CSMD2: variants seen among roughly 807,000 people sequenced by gnomAD.
CSMD2 encodes the protein CUB and Sushi multiple domains 2.
CSMD2 carries 130 observed loss-of-function variants against 398.5 expected under a neutral mutation model. The ratio of observed to expected loss-of-function variants is 0.33; its 90% CI spans 0.28 to 0.38. CSMD2 has a LOEUF of 0.38. CSMD2 is among the 10% of genes least tolerant of loss of function. The pLI, the probability that CSMD2 is intolerant of heterozygous loss-of-function variation, is 1.00. For synonymous variants in CSMD2, 1,828 were observed against 1,908.5 expected (o/e 0.96, Z 1.10); for missense variants, 3,829 against 4,764.9 (o/e 0.80, Z 5.78).
At chr1:33,886,067 T>C (rs1315563631) in intron 5 of CSMD2, among the ~76,000 whole-genome samples, 1 of 152,174 alleles carries the variant, frequency 6.6e-6, no homozygotes, top group Non-Finnish European at 1.5e-5. Flanking sequence ...AATACAATTC[T>C]TATGGTCGCT....
At chr1:33,996,019 C>G (rs966051830) in intron 3 of CSMD2, among the ~76,000 whole-genome samples, 1 of 152,108 alleles carries the variant, frequency 6.6e-6, no homozygotes, top group Non-Finnish European at 1.5e-5. Context: ...ACAATAGACA[C>G]AACAAACAAA....
intron 13 of CSMD2, among the ~76,000 whole-genome samples, chr1:33,747,767 G>C (rs1647587107): frequency 6.6e-6 from 1 of 152,128 alleles, no homozygotes; most frequent in South Asian, 2.1e-4. Context: ...GATAGCTCAG[G>C]CTTTACATTA....
intron 13 of CSMD2, among the ~76,000 whole-genome samples, chr1:33,764,826 T>C (rs1486902343): frequency 6.6e-6 from 1 of 152,224 alleles, no homozygotes; most frequent in Non-Finnish European, 1.5e-5. Context: ...GGAAATGATG[T>C]TTGAAATTGC....
intron 43 of CSMD2, among the ~76,000 whole-genome samples, chr1:33,601,711 T>C (rs1640230567): frequency 6.6e-6 from 1 of 152,268 alleles, no homozygotes; most frequent in Non-Finnish European, 1.5e-5. Flanking sequence ...TGCTAATTTG[T>C]ATTCCCAATG....
chr1:33,967,272 C>T (rs1367828739), intron 3 of CSMD2, among the ~76,000 whole-genome samples: 1 of 142,196 alleles, frequency 7.0e-6, no homozygotes, highest in Non-Finnish European at 1.5e-5. Flanking sequence ...TTTTTTAAAG[C>T]GGGGGGTGGG....
At chr1:33,580,567 T>C (rs1317307484) in intron 48 of CSMD2, among the ~76,000 whole-genome samples, 186 bp downstream of exon 48, 1 of 152,008 alleles carries the variant, frequency 6.6e-6, no homozygotes, top group Non-Finnish European at 1.5e-5. Context: ...GCTGGCAGTA[T>C]GAGAAAAGAG....
intron 55 of CSMD2, among the ~76,000 whole-genome samples, chr1:33,554,847 C>T (rs765643160): frequency 6.6e-6 from 1 of 152,164 alleles, no homozygotes; most frequent in East Asian, 1.9e-4. Flanking sequence ...CAGCCAAGTG[C>T]TAAATGATGA....
intron 6 of CSMD2, among the ~76,000 whole-genome samples, chr1:33,837,862 T>G (rs916740183): frequency 2.6e-5 from 4 of 152,228 alleles, no homozygotes; most frequent in Non-Finnish European, 5.9e-5. Context: ...GGCTGCTCCA[T>G]TCATCCTTTA....
At chr1:34,090,271 T>C (rs1658403120) in intron 1 of CSMD2, among the ~76,000 whole-genome samples, 4 of 152,212 alleles carry the variant, frequency 2.6e-5, no homozygotes, top group Admixed American at 2.0e-4. Flanking sequence ...GGTGATGTGA[T>C]GATGCCCTCT....
intron 13 of CSMD2, among the ~76,000 whole-genome samples, chr1:33,749,187 C>A (rs1272120140): frequency 6.6e-6 from 1 of 151,036 alleles, no homozygotes; most frequent in African/African-American, 2.4e-5. Flanking sequence ...AGGCTCCACC[C>A]CCCCAGGTTC....
intron 5 of CSMD2, chr1:33,860,947 A>T (rs1384426682): frequency 6.6e-6 from 1 of 152,214 alleles, no homozygotes; most frequent in East Asian, 1.9e-4. Context: ...ACTACAACAG[A>T]GTAGAAAATA....
intron 29 of CSMD2, among the ~76,000 whole-genome samples, chr1:33,642,858 G>T (rs1391518045): frequency 6.6e-6 from 1 of 152,150 alleles, no homozygotes; most frequent in East Asian, 1.9e-4. Context: ...CTACCAAACT[G>T]TTTCTGCTTC....
chr1:33,924,900 A>T (rs1195938121), intron 4 of CSMD2, among the ~76,000 whole-genome samples: 3 of 151,850 alleles, frequency 2.0e-5, no homozygotes, highest in East Asian at 1.9e-4. Flanking sequence ...TATTATTATT[A>T]TTTTTTTGCT....
Position 33,624,650 on chromosome 1 carries a change from G to A in CSMD2, c.5501-7C>T, listed in dbSNP as rs747944367. On this transcript the variant is annotated splice_region_variant and splice_polypyrimidine_tract_variant and intron_variant, in intron 34 of 70. Transcript: ENST00000373381. The surrounding 1 kb of genome is among the most constrained non-coding windows in gnomAD (Gnocchi z 4.7). ...AGGTTGCCTCCACACGGCACTGGGA[G>A]GAGAGGCCATCGGGTCAGAGGCTTT... 6.2e-7 allele frequency: 1 copy of A among 1,610,212 alleles called. No homozygotes were observed. The highest frequency in any genetic ancestry group is 1.1e-5 in the South Asian group (1 of 90,996).
chr1:33,686,881 G>A lies in CSMD2; in HGVS notation c.4052+6049C>T, dbSNP rs1006910528. Among the ~76,000 whole-genome samples the A allele has an allele frequency of 7.9e-5, 12 of 152,314 alleles. No individual in the cohort carries two copies. In the Middle Eastern group the frequency reaches 0.02, roughly 259 times the overall value. ...CTTTAGGGGTGACTTACAGCCTGCT[G>A]TGCTTAGGAATACTCTGTTTGGGTA... On this transcript the variant is annotated intron_variant, in intron 25 of 70. Coordinates refer to ENST00000373381, the MANE Select transcript of CSMD2 (RefSeq NM_001281956.2).
intron 4 of CSMD2, among the ~76,000 whole-genome samples, chr1:33,931,940 CA>C (rs1425876566): frequency 2.3e-4 from 35 of 152,196 alleles, no homozygotes; most frequent in African/African-American, 7.9e-4. Context: ...TTCAGTGAGG[CA>C]AGTGAGAGAC....
Position 33,698,744 on chromosome 1 carries a change from C to A in CSMD2, c.3925+9G>T. On this transcript the variant is annotated intron_variant, in intron 24 of 70. Transcript: ENST00000373381. ...CCAAGGGTTCCCTGCAGAGGAAGAG[C>A]CCTCCTACCGACACAGGTGGGCAGA... The A allele has an allele frequency of 6.2e-7, 1 of 1,607,134 alleles. No individual in the cohort carries two copies.
At chr1:34,130,389 CAAAAAAAAAA>C (rs60733725) in intron 1 of CSMD2, among the ~76,000 whole-genome samples, 4 of 58,500 alleles carry the variant, frequency 6.8e-5, no homozygotes, top group African/African-American at 2.8e-4. Flanking sequence ...TGTCTGGAGG[CAAAAAAAAAA>C]AAAAAAAAAA....
chr1:33,527,277 G>A lies in CSMD2; in HGVS notation c.10172-19C>T. The A allele has an allele frequency of 6.2e-7, 1 of 1,604,676 alleles. No individual in the cohort carries two copies. Among genetic ancestry groups the A allele is most frequent in the Non-Finnish European group, 8.5e-7 (1 of 1,173,558 alleles). On this transcript the variant is annotated intron_variant, in intron 64 of 70. Transcript: ENST00000373381. ...CGGACCTCTGCTGGGGAAAAAGAGT[G>A]GAAGAAAACAGGTTCAGCTTCTGGT... is the stretch of plus-strand genomic sequence containing the variant.
Sources: gnomAD v4.1 joint callset for allele counts (sites outside exome capture counted in the v4.1 genomes callset) on GRCh38, gnomAD v4.1.1 for gene constraint, Gnocchi (gnomAD v3.1) non-coding constraint, MANE v1.5 for transcripts, NCBI Gene and HGNC (gene_info 2026-07-23, HGNC 2026-07-21) for gene names.